AFF1: variants seen among roughly 807,000 people sequenced by gnomAD.
AFF1 encodes AF4/FMR2 family member 1.
A neutral mutation model predicts 121.7 loss-of-function variants in AFF1; 48 were observed. The ratio of observed to expected loss-of-function variants is 0.39; its 90% confidence interval spans 0.31 to 0.50. The LOEUF is 0.50. Among genes scored for constraint, AFF1 ranks in the 20% least tolerant of loss-of-function variants. The pLI is 0.76. For missense variants in AFF1, 1,523 were observed against 1,511.7 expected (o/e 1.01, Z -0.12); for synonymous variants, 613 against 563.0 (o/e 1.09, Z -1.26).
chr4:87,074,764 A>T (rs995277141), intron 4 of AFF1, among the ~76,000 whole-genome samples: 19 of 152,198 alleles, frequency 1.2e-4, no homozygotes, highest in African/African-American at 4.3e-4. Flanking sequence ...CAAAAATTAT[A>T]TTGTATGTGA....
chr4:86,949,180 A>ATT (rs34958148), intron 2 of AFF1, among the ~76,000 whole-genome samples: 3 of 137,724 alleles, frequency 2.2e-5, no homozygotes, highest in Non-Finnish European at 3.1e-5. Flanking sequence ...ATATATATAT[A>ATT]TTTTTTTTTT....
chr4:87,041,817 C>A (rs772041084), intron 2 of AFF1, among the ~76,000 whole-genome samples: 1 of 151,506 alleles, frequency 6.6e-6, no homozygotes, highest in Non-Finnish European at 1.5e-5. Flanking sequence ...GAGTTTGAGA[C>A]CCGTGTGGCC....
chr4:87,041,157 G>A (rs1249942377), intron 2 of AFF1, among the ~76,000 whole-genome samples: 2 of 152,068 alleles, frequency 1.3e-5, no homozygotes, highest in South Asian at 2.1e-4. Context: ...GATTACAGGC[G>A]TGAGCCACCC....
intron 4 of AFF1, among the ~76,000 whole-genome samples, chr4:87,077,630 C>T (rs1241725762): frequency 6.9e-6 from 1 of 145,796 alleles, no homozygotes; most frequent in Non-Finnish European, 1.5e-5. Context: ...TTAGGACTTT[C>T]TTGTGTATCA....
At chr4:87,066,745 G>T (rs1219768142) in intron 4 of AFF1, among the ~76,000 whole-genome samples, 2 of 152,148 alleles carry the variant, frequency 1.3e-5, no homozygotes, top group African/African-American at 4.8e-5. Context: ...GACTTGAGGG[G>T]TATCTTGGAG....
At chr4:87,007,964 C>T (rs934446203) in intron 2 of AFF1, among the ~76,000 whole-genome samples, 1 of 152,082 alleles carries the variant, frequency 6.6e-6, no homozygotes, top group East Asian at 1.9e-4. Flanking sequence ...GGGAACGCGC[C>T]GGGGTGGTGA....
intron 2 of AFF1, among the ~76,000 whole-genome samples, chr4:86,998,883 T>G (rs952985360): frequency 6.6e-6 from 1 of 152,168 alleles, no homozygotes; most frequent in Non-Finnish European, 1.5e-5. Context: ...TCAAGAAATC[T>G]CTGGGATTTT....
At chr4:86,983,238 A>G (rs1723916280) in intron 2 of AFF1, among the ~76,000 whole-genome samples, 2 of 152,096 alleles carry the variant, frequency 1.3e-5, no homozygotes, top group African/African-American at 4.8e-5. Flanking sequence ...TAAAAATACT[A>G]AAACTAAGGC....
At chr4:86,941,676 A>AT (rs1189092139) in intron 1 of AFF1, among the ~76,000 whole-genome samples, 5 of 151,840 alleles carry the variant, frequency 3.3e-5, no homozygotes, top group Non-Finnish European at 5.9e-5. Context: ...AAATAAATAA[A>AT]TAAAATAAAA....
chr4:86,949,551 T>A, intron 2 of AFF1: 1 of 632,122 alleles, frequency 1.6e-6, no homozygotes, highest in Non-Finnish European at 2.3e-6. Context: ...TTTTTTTTTT[T>A]TTTTTCCCGA....
chr4:87,097,303 G>C (rs1445751229), intron 8 of AFF1, among the ~76,000 whole-genome samples: 1 of 152,130 alleles, frequency 6.6e-6, no homozygotes, highest in Non-Finnish European at 1.5e-5. Flanking sequence ...TGTGGATAGA[G>C]GAAGAAAGGC....
intron 4 of AFF1, among the ~76,000 whole-genome samples, chr4:87,059,356 T>C (rs964330454): frequency 2.6e-5 from 4 of 152,214 alleles, no homozygotes; most frequent in Admixed American, 2.6e-4. Flanking sequence ...TGGTCATCAG[T>C]TCTCAATTCC....
At chr4:86,976,370 A>C (rs569120407) in intron 2 of AFF1, among the ~76,000 whole-genome samples, 1 of 152,268 alleles carries the variant, frequency 6.6e-6, no homozygotes, top group African/African-American at 2.4e-5. Context: ...CATGGAATCA[A>C]CCTAGGTGCC....
At chr4:87,114,290 TA>T (rs1726845483) in intron 11 of AFF1, 76 bp from the exon 12 acceptor site, 1 of 1,327,348 alleles carries the variant, frequency 7.5e-7, no homozygotes, top group African/African-American at 1.5e-5. Context: ...CAGTGTTGTA[TA>T]ATTGGGTGAC....
chr4:87,085,451 T>A (rs1355951812), intron 5 of AFF1, among the ~76,000 whole-genome samples: 1 of 151,700 alleles, frequency 6.6e-6, no homozygotes, highest in African/African-American at 2.4e-5. Context: ...TTTTTTTTTT[T>A]AATTAGTAGA....
intron 2 of AFF1, among the ~76,000 whole-genome samples, chr4:86,961,240 A>G (rs933946493): frequency 2.0e-5 from 3 of 152,106 alleles, no homozygotes; most frequent in African/African-American, 7.2e-5. Flanking sequence ...CATGCTTTCA[A>G]TCTCGTAACT....
In AFF1 at chr4:87,124,137, C is replaced by T. The variant is rs148139410; in HGVS notation, c.2467-900C>T. ...ACAAGAATGCAAGAAAGACTTTCATCGTGGAAGAATTCTGTGTTGTTTTAG... is the reference window on the plus strand; with the variant it reads ...ACAAGAATGCAAGAAAGACTTTCATTGTGGAAGAATTCTGTGTTGTTTTAG... On this transcript the variant is annotated intron_variant, in intron 12 of 20. Transcript: ENST00000395146. Among the ~76,000 whole-genome samples, 19 of 152,246 alleles carry T rather than the reference C, an allele frequency of 1.2e-4. No homozygotes were observed. In the East Asian group the frequency reaches 2.9e-3, roughly 23 times the overall value.
At chr4:87,019,874 C>CT (rs1208627278) in intron 2 of AFF1, among the ~76,000 whole-genome samples, 1 of 21,944 alleles carries the variant, frequency 4.6e-5, no homozygotes, top group African/African-American at 1.8e-4. Flanking sequence ...TGACTGGTGT[C>CT]TGAAGGGGTC....
At chr4:87,054,228 G>A (rs1431468123) in intron 4 of AFF1, among the ~76,000 whole-genome samples, 1 of 152,218 alleles carries the variant, frequency 6.6e-6, no homozygotes, top group Non-Finnish European at 1.5e-5. Context: ...CTGTAGCCTG[G>A]AAATGACAAC....
Sources: allele counts gnomAD v4.1 joint callset (sites outside exome capture counted in the v4.1 genomes callset), GRCh38; gene constraint gnomAD v4.1.1; transcripts MANE v1.5; gene names NCBI Gene and HGNC (gene_info 2026-07-23, HGNC 2026-07-21).